The following IFT74 variants were observed in gnomAD, a reference collection of about 807,000 sequenced individuals.
IFT74 encodes the protein intraflagellar transport protein 74 homolog.
Under a neutral mutation model 96.7 loss-of-function variants are expected in IFT74, and 92 were observed. That is an observed-to-expected ratio of 0.95 (90% CI 0.80 to 1.13). The LOEUF (loss-of-function observed/expected upper bound fraction) is 1.13, where lower values mean the gene tolerates loss of function less well. IFT74 is among the 50% of genes most tolerant of loss of function. The pLI, the probability that IFT74 is intolerant of heterozygous loss-of-function variation, is 0.00. For synonymous variants in IFT74, 223 were observed against 213.2 expected (o/e 1.05, Z -0.40); for missense variants, 811 against 698.2 (o/e 1.16, Z -1.82).
chr9:26,973,145 C>T (rs1402863959), intron 2 of IFT74, among the ~76,000 whole-genome samples: 1 of 152,192 alleles, frequency 6.6e-6, no homozygotes, highest in Non-Finnish European at 1.5e-5. Context: ...GCGCAGAAAG[C>T]ATCCTTCAAA....
intron 2 of IFT74, 80 bp downstream of exon 2, chr9:26,962,167 G>A: frequency 7.0e-7 from 1 of 1,430,570 alleles, no homozygotes; most frequent in Non-Finnish European, 9.7e-7. Context: ...GGGCTTCAGT[G>A]AACTCTGATC....
intron 1 of IFT74, among the ~76,000 whole-genome samples, chr9:26,959,125 T>C (rs1444685768): frequency 7.2e-6 from 1 of 139,102 alleles, no homozygotes; most frequent in East Asian, 2.3e-4. Context: ...TGTTGTTGTT[T>C]TGAGACGGAG....
chr9:27,026,827 G>A (rs1829882643), intron 12 of IFT74, among the ~76,000 whole-genome samples: 1 of 152,146 alleles, frequency 6.6e-6, no homozygotes, highest in Admixed American at 6.5e-5. Context: ...CAAAAGCAGT[G>A]CCTAGAGGAA....
chr9:26,976,258 A>G (rs1196090871), intron 2 of IFT74, among the ~76,000 whole-genome samples: 6 of 152,152 alleles, frequency 3.9e-5, no homozygotes, highest in Non-Finnish European at 1.5e-5. Context: ...GGAATCCCCG[A>G]CAAGCCCCCA....
chr9:26,957,902 A>C (rs1173785855), intron 1 of IFT74, among the ~76,000 whole-genome samples: 1 of 150,790 alleles, frequency 6.6e-6, no homozygotes, highest in East Asian at 2.0e-4. Flanking sequence ...TACGCCCGCC[A>C]CCACGCCCGG....
chr9:27,044,493 A>T lies in IFT74; in HGVS notation c.1055-249A>T, dbSNP rs73438225. ...ACCCATAGTGTTCATGTATAGGTTGAATAGCCCCAGGTTGGGAATGGAAAG... is the reference window on the plus strand; with the variant it reads ...ACCCATAGTGTTCATGTATAGGTTGTATAGCCCCAGGTTGGGAATGGAAAG... On this transcript the variant is annotated intron_variant, in intron 13 of 19. Transcript: ENST00000380062. Among the ~76,000 whole-genome samples the T allele has an allele frequency of 5.9e-3, 892 of 152,336 alleles. 12 individuals are homozygous for T. The highest frequency in any genetic ancestry group is 0.02 in the African/African-American group (838 of 41,574).
chr9:26,999,211 G>A (rs1828340710), intron 8 of IFT74, among the ~76,000 whole-genome samples: 1 of 152,162 alleles, frequency 6.6e-6, no homozygotes, highest in South Asian at 2.1e-4. Flanking sequence ...TTACTGAACA[G>A]TAAACTAAGA....
intron 13 of IFT74, among the ~76,000 whole-genome samples, chr9:27,031,626 G>T (rs1229895394): frequency 2.1e-5 from 3 of 143,572 alleles, no homozygotes; most frequent in East Asian, 2.0e-4. Context: ...ATGAGATAGG[G>T]TCTTTCTGTC....
chr9:27,012,639 C>T (rs893459304), intron 10 of IFT74, among the ~76,000 whole-genome samples: 1 of 148,292 alleles, frequency 6.7e-6, no homozygotes, highest in East Asian at 2.0e-4. Flanking sequence ...ATTTAAAACG[C>T]TTTATTTCAC....
chr9:27,044,101 G>C (rs1010467147), intron 13 of IFT74, among the ~76,000 whole-genome samples: 1 of 151,846 alleles, frequency 6.6e-6, no homozygotes, highest in Admixed American at 6.6e-5. Context: ...TCTCTGCCTC[G>C]GCCATACCAC....
At chr9:27,032,914 T>G (rs150576018) in intron 13 of IFT74, among the ~76,000 whole-genome samples, 1,871 of 152,128 alleles carry the variant, frequency 0.012, 37 homozygotes, top group African/African-American at 0.042. Context: ...TAAAATTATT[T>G]TAAAGATTCA....
At chr9:26,952,302 A>C (rs1455116589), upstream of IFT74, among the ~76,000 whole-genome samples, 1 of 150,214 alleles carries the variant, frequency 6.7e-6, no homozygotes, top group African/African-American at 2.4e-5. Flanking sequence ...TTTGAGACGA[A>C]GTCTTACTCT....
rs1828093227 is a variant in IFT74, at chr9:26,995,446, G to A, written c.587+5251G>A. The A allele has an allele frequency of 7.3e-6, 6 of 818,428 alleles. 1 individual carries two copies. In the South Asian group the frequency reaches 1.1e-4, roughly 15 times the overall value. 50.7% of individuals were successfully genotyped at this position (818,428 alleles called of 1,614,324 possible). On this transcript the variant is annotated intron_variant, in intron 8 of 19. Transcript: ENST00000380062. ...ATGCCTGCCAGCTGTATTTTGTTAT[G>A]TCACATAGCAAAATCTCCATATCTA...
Position 27,009,044 on chromosome 9 carries a change from C to T in IFT74, c.612C>T (p.Val204=), listed in dbSNP as rs1293979719. 3.7e-6 allele frequency: 6 copies of T among 1,611,898 alleles called. No homozygotes were observed. The highest frequency in any genetic ancestry group is 2.2e-5 in the East Asian group (1 of 44,748). The change falls in exon 9 of 20, where the codon GTC becomes GTT. Residue 204 remains valine (V), a synonymous_variant. Transcript: ENST00000380062. ...RQAKEKQIRS[V]EEEIEQEKQA... ...GGAAAGAAAAACAAATCAGAAGTGTCGAAGAAGAAATTGAACAGGAAAAAC... is the reference window on the plus strand; with the variant it reads ...GGAAAGAAAAACAAATCAGAAGTGTTGAAGAAGAAATTGAACAGGAAAAAC...
At chr9:27,031,884 A>G (rs948829853) in intron 13 of IFT74, among the ~76,000 whole-genome samples, 3 of 151,952 alleles carry the variant, frequency 2.0e-5, no homozygotes, top group Non-Finnish European at 2.9e-5. Context: ...ATTGTTGAAA[A>G]CTTTTTTTGT....
At chr9:26,968,304 C>G (rs1272187051) in intron 2 of IFT74, among the ~76,000 whole-genome samples, 2 of 151,220 alleles carry the variant, frequency 1.3e-5, no homozygotes, top group African/African-American at 2.4e-5. Flanking sequence ...CTCTGTTGCC[C>G]AGGCTGGAGT....
chr9:26,958,480 ATAGAGAG>A (rs1317327710), intron 1 of IFT74, among the ~76,000 whole-genome samples: 2 of 152,176 alleles, frequency 1.3e-5, no homozygotes, highest in African/African-American at 4.8e-5. Context: ...TGCTGTAGGA[ATAGAGAG>A]TAAAGTACCT....
intron 6 of IFT74, among the ~76,000 whole-genome samples, chr9:26,988,285 C>T (rs1327172750): frequency 6.6e-6 from 1 of 152,088 alleles, no homozygotes; most frequent in Non-Finnish European, 1.5e-5. Context: ...ACTAACATTC[C>T]TCTCTCCTTG....
intron 16 of IFT74, among the ~76,000 whole-genome samples, chr9:27,053,373 G>T (rs1007139731): frequency 6.6e-6 from 1 of 152,096 alleles, no homozygotes; most frequent in Non-Finnish European, 1.5e-5. Context: ...TAAGAAAAAG[G>T]TTGAGAAACA....
Sources: gnomAD v4.1 joint callset for allele counts (sites outside exome capture counted in the v4.1 genomes callset) on GRCh38, gnomAD v4.1.1 for gene constraint, MANE v1.5 for transcripts, NCBI Gene and HGNC (gene_info 2026-07-23, HGNC 2026-07-21) for gene names.